Variants in GFPT1 observed in about 807,000 individuals in gnomAD.
GFPT1 encodes the protein glutamine--fructose-6-phosphate transaminase 1.
In GFPT1, 40 loss-of-function variants were observed where a neutral mutation model predicts 92.0. That is an observed-to-expected ratio of 0.43 (90% confidence interval 0.34 to 0.57). The LOEUF (loss-of-function observed/expected upper bound fraction) is 0.57, where lower values mean the gene tolerates loss of function less well. Ranked by LOEUF, GFPT1 falls within the 20% of genes least tolerant of loss-of-function variation. The pLI, the probability that GFPT1 is intolerant of heterozygous loss-of-function variation, is 0.02. For missense variants in GFPT1, 448 were observed against 869.1 expected (o/e 0.52, Z 6.09); for synonymous variants, 269 against 280.6 (o/e 0.96, Z 0.41).
rs370598719 is a variant in GFPT1 at position 69,329,643 on chromosome 2, C to A, written c.1597+41G>T. 100 of 1,305,144 alleles carry A rather than the reference C, an allele frequency of 7.7e-5. 3 individuals are homozygous for A. The South Asian group carries it at 8.0e-4, about 10-fold the overall frequency. 80.8% of individuals were successfully genotyped at this position (1,305,144 alleles called of 1,614,324 possible). ...AAGAGAATTTTACCTATTACCCACT[C>A]CCTTAGACAACAAAAGTGTAATATA... On this transcript the variant is annotated intron_variant, in intron 16 of 19. Transcript: ENST00000357308.
intron 9 of GFPT1, 65 bp downstream of exon 9, chr2:69,354,194 G>A: frequency 2.7e-6 from 3 of 1,125,242 alleles, no homozygotes; most frequent in Non-Finnish European, 3.8e-6. Context: ...AAGAACAAAA[G>A]AATTAGTAAA....
At chr2:69,359,371 A>T (rs202126305) in intron 4 of GFPT1, 45 bp from the exon 5 acceptor site, 1 of 1,126,720 alleles carries the variant, frequency 8.9e-7, no homozygotes, top group East Asian at 2.4e-5. Flanking sequence ...TAGAAGTATG[A>T]TAAATCTAAA....
intron 18 of GFPT1, among the ~76,000 whole-genome samples, chr2:69,327,280 T>G (rs1670554616): frequency 6.6e-6 from 1 of 152,218 alleles, no homozygotes; most frequent in African/African-American, 2.4e-5. Flanking sequence ...TTGTTTAAAC[T>G]CATGCAACTA....
intron 15 of GFPT1, among the ~76,000 whole-genome samples, chr2:69,335,896 TGTACCTGTA>T (rs1241841732): frequency 6.6e-6 from 1 of 151,874 alleles, no homozygotes; most frequent in Non-Finnish European, 1.5e-5. Context: ...GGTAGTGGCC[TGTACCTGTA>T]GTCCCAGCTA....
Position 69,329,377 on chromosome 2 carries a change from C to A in GFPT1, c.1645G>T (p.Ala549Ser). The A allele has an allele frequency of 6.2e-7, 1 of 1,611,050 alleles. No homozygotes were observed. The highest frequency in any genetic ancestry group is 8.5e-7 in the Non-Finnish European group (1 of 1,177,222). ...GACTTCTGATGATAAAGTTCTGTTG[C>A]TAGTTTCTGAATTTCGTCATCCATG... ...LSMDDEIQKL[A>S]TELYHQKSVL... The change falls in exon 17 of 20, where the codon GCA (alanine) becomes TCA (serine). Residue 549 changes from alanine (A) to serine (S), a missense_variant. Ala to Ser is a moderately conservative substitution (Grantham distance 99). Around this residue, in one of 7 missense-constraint regions of GFPT1, gnomAD observed 73 missense variants for 103.5 expected, o/e 0.71. Coordinates refer to ENST00000357308, the MANE Select transcript of GFPT1 (RefSeq NM_001244710.2).
intron 7 of GFPT1, among the ~76,000 whole-genome samples, chr2:69,355,419 T>A (rs1033820928): frequency 1.3e-5 from 2 of 151,812 alleles, no homozygotes; most frequent in South Asian, 2.1e-4. Context: ...TTTTCTTAAT[T>A]GACAAATAAA....
chr2:69,348,113 A>G, intron 11 of GFPT1, 58 bp downstream of exon 11: 1 of 1,262,986 alleles, frequency 7.9e-7, no homozygotes, highest in Non-Finnish European at 1.2e-6. Flanking sequence ...TAGGAAAGGA[A>G]GTAGAATATA....
At chr2:69,335,801 G>C (rs7424361) in intron 15 of GFPT1, among the ~76,000 whole-genome samples, 1 of 151,854 alleles carries the variant, frequency 6.6e-6, no homozygotes, top group African/African-American at 2.4e-5. Context: ...CAGGCAGATC[G>C]TTTGAGCCCA....
rs1289816770 is a variant in GFPT1, at chr2:69,342,202, G to A, written c.1153C>T (p.Arg385Trp). 2 of 1,611,618 alleles carry A rather than the reference G, an allele frequency of 1.2e-6. No individual in the cohort carries two copies. The highest frequency in any genetic ancestry group is 1.1e-5 in the South Asian group (1 of 90,934). The change falls in exon 13 of 20, where the codon CGG becomes TGG. Residue 385 changes from arginine to tryptophan, a missense_variant. This residue lies in a region of GFPT1 where 121 missense variants were observed against 304.3 expected (regional missense o/e 0.40). Coordinates refer to ENST00000357308, the MANE Select transcript of GFPT1 (RefSeq NM_001244710.2). ...KDHIKEIQRC[R>W]RLILIACGTS... ...CCACAAGCAATAAGAATCAAACGCCGGCATCTCTGGATCTCCTTTATGTGA... is the reference window on the plus strand; with the variant it reads ...CCACAAGCAATAAGAATCAAACGCCAGCATCTCTGGATCTCCTTTATGTGA...
intron 6 of GFPT1, among the ~76,000 whole-genome samples, chr2:69,357,045 T>C (rs958492125): frequency 7.2e-5 from 11 of 152,184 alleles, no homozygotes; most frequent in Non-Finnish European, 1.6e-4. Context: ...CCCACTTTTT[T>C]AACCAAGCCT....
At chr2:69,327,376 A>G (rs1475793936) in intron 18 of GFPT1, among the ~76,000 whole-genome samples, 1 of 152,248 alleles carries the variant, frequency 6.6e-6, no homozygotes, top group African/African-American at 2.4e-5. Context: ...TTAGGGAATA[A>G]TATCTTTTGG....
chr2:69,353,528 T>A (rs890707245), intron 9 of GFPT1, among the ~76,000 whole-genome samples: 50 of 152,152 alleles, frequency 3.3e-4, no homozygotes, highest in African/African-American at 1.2e-3. Context: ...AGCAAAACCC[T>A]GGCTAAAAAT....
In GFPT1 at chr2:69,350,122, C is replaced by T. The variant is rs752515655; in HGVS notation, c.801G>A (p.Pro267=). 7.4e-6 allele frequency: 12 copies of T among 1,613,736 alleles called. No individual in the cohort carries two copies. The highest frequency in any genetic ancestry group is 2.2e-5 in the East Asian group (1 of 44,878). The change falls in exon 10 of 20, where the codon CCG becomes CCA. Residue 267 remains proline (P), a synonymous_variant. Coordinates refer to ENST00000357308, the MANE Select transcript of GFPT1 (RefSeq NM_001244710.2). The part of the protein sequence containing the change: ...SRVDSTTCLF[P]VEEKAVEYYF... Reference sequence around the variant, plus strand: ...AATACTCCACTGCTTTTTCTTCCACCGGGAAAAGGCAGGTTGTGCTGTCCA... The same window carrying T: ...AATACTCCACTGCTTTTTCTTCCACTGGGAAAAGGCAGGTTGTGCTGTCCA...
chr2:69,356,800 C>T (rs931434224), intron 6 of GFPT1, among the ~76,000 whole-genome samples: 3 of 151,440 alleles, frequency 2.0e-5, no homozygotes, highest in Admixed American at 6.6e-5. Context: ...TGCAGTGGCA[C>T]GATCTCGGCT....
At chr2:69,356,696 T>C in intron 6 of GFPT1, 139 bp from the exon 7 acceptor site, 1 of 714,842 alleles carries the variant, frequency 1.4e-6, no homozygotes, top group Middle Eastern at 2.5e-4. Flanking sequence ...AGTCTAAAGT[T>C]TAAGTAAACA....
Position 69,338,061 on chromosome 2 carries a change from T to C in GFPT1, c.1325-6A>G, listed in dbSNP as rs752185819. On this transcript the variant is annotated splice_polypyrimidine_tract_variant and splice_region_variant and intron_variant, in intron 14 of 19. Transcript: ENST00000357308. ...CAAAGTATCTGCTGTCTCACCTGTG[T>C]AAAAAGTAGGCCAACCATAACACAC... 6.2e-7 allele frequency: 1 copy of C among 1,613,978 alleles called. No individual in the cohort carries two copies. The highest frequency in any genetic ancestry group is 8.5e-7 in the Non-Finnish European group (1 of 1,179,838).
intron 7 of GFPT1, among the ~76,000 whole-genome samples, chr2:69,355,820 T>TA (rs1180777498): frequency 6.6e-6 from 1 of 152,296 alleles, no homozygotes; most frequent in African/African-American, 2.4e-5. Context: ...GTAGTGATGG[T>TA]ACAATTATCT....
chr2:69,380,276 A>G (rs1031069991), intron 1 of GFPT1, among the ~76,000 whole-genome samples: 2 of 152,168 alleles, frequency 1.3e-5, no homozygotes, highest in Admixed American at 6.5e-5. Context: ...GGTGGGGCAG[A>G]GGGTGAAGTG....
At chr2:69,347,773 G>A (rs867019311) in intron 11 of GFPT1, among the ~76,000 whole-genome samples, 11 of 152,146 alleles carry the variant, frequency 7.2e-5, no homozygotes, top group Middle Eastern at 3.4e-3. Context: ...GTGAGCCACC[G>A]CACCCAGCCA....
Sources: allele counts gnomAD v4.1 joint callset (sites outside exome capture counted in the v4.1 genomes callset), GRCh38; gene constraint gnomAD v4.1.1; regional missense constraint gnomAD v4.1.1; transcripts MANE v1.5; gene names NCBI Gene and HGNC (gene_info 2026-07-23, HGNC 2026-07-21).